Variants in POLR1H observed in about 807,000 individuals in gnomAD.
POLR1H encodes the protein RNA polymerase I subunit H, also known as DNA-directed RNA polymerase I subunit RPA12.
A neutral mutation model predicts 15.8 loss-of-function variants in POLR1H; 5 were observed. The ratio of observed to expected loss-of-function variants is 0.32; its 90% CI spans 0.17 to 0.67. POLR1H has a LOEUF of 0.67. POLR1H is among the 30% of genes least tolerant of loss of function. The probability of loss-of-function intolerance (pLI) is 0.74; values close to 1 mark genes in which losing one functional copy is unlikely to be tolerated. For missense variants in POLR1H, 100 were observed against 163.4 expected, an observed-to-expected ratio of 0.61 and a Z score of 2.11; for synonymous variants, 43 against 58.3, an observed-to-expected ratio of 0.74 and a Z score of 1.20.
chr6:30,060,614 C>G (rs1359897919), upstream of POLR1H: 22 of 152,272 alleles, frequency 1.4e-4, 2 homozygotes, highest in Admixed American at 1.4e-3. Flanking sequence ...TCTGTTCCAC[C>G]ACCTCCAAAG....
rs1765253592 is a variant in POLR1H at position 30,063,165 on chromosome 6, A to G, written c.356+832A>G. On this transcript the variant is annotated intron_variant, in intron 3 of 3. Transcript: ENST00000332435. This position sits in a 1 kb window ranked among gnomAD's most constrained non-coding sequence, Gnocchi z 4.1. Reference sequence around the variant, plus strand: ...CTGAGAGTGGACTTTTTTTTCATCAACCTTGGAAAATTATCAGCCATCATC... The same window carrying G: ...CTGAGAGTGGACTTTTTTTTCATCAGCCTTGGAAAATTATCAGCCATCATC... Among the ~76,000 whole-genome samples the G allele has an allele frequency of 6.6e-6, 1 of 151,812 alleles. No individual in the cohort carries two copies. The highest frequency in any genetic ancestry group is 2.4e-5 in the African/African-American group (1 of 41,336).
Position 30,062,636 on chromosome 6 carries a change from C to T in POLR1H, c.356+303C>T, listed in dbSNP as rs374626831. 2.6e-4 allele frequency among the ~76,000 whole-genome samples: 38 copies of T among 144,472 alleles called. 1 individual carries two copies. In the East Asian group the frequency reaches 3.2e-3, roughly 12 times the overall value. 94.8% of individuals were successfully genotyped at this position (144,472 alleles called of 152,430 possible). A position where few individuals can be genotyped will look rare whatever the true frequency, so the allele number is the denominator to read the frequency against. ...GGCAATCTTGGCTCACTGCAACCTC[C>T]GCCTCCTGGGCTCAGGTAATCCTCC... is the stretch of plus-strand genomic sequence containing the variant. On this transcript the variant is annotated intron_variant, in intron 3 of 3. Transcript: ENST00000332435.
chr6:30,061,180 CAATT>C, upstream of POLR1H: 1 of 236,910 alleles, frequency 4.2e-6, no homozygotes, highest in Middle Eastern at 1.3e-3. This position sits in a 1 kb window ranked among gnomAD's most constrained non-coding sequence, Gnocchi z 5.0. Flanking sequence ...ACACGGTTCG[CAATT>C]AATTATGACG....
At chr6:30,064,141 C>G (rs1335516599) in intron 3 of POLR1H, among the ~76,000 whole-genome samples, 1 of 152,212 alleles carries the variant, frequency 6.6e-6, no homozygotes, top group Non-Finnish European at 1.5e-5. Context: ...TTAGTTTTAA[C>G]TTCCCTGTCT....
chr6:30,061,549 A>G lies in POLR1H; in HGVS notation c.25A>G (p.Thr9Ala). 1 of 1,613,002 alleles carries G rather than the reference A, an allele frequency of 6.2e-7. No individual in the cohort carries two copies. Among genetic ancestry groups the G allele is most frequent in the Non-Finnish European group, 8.5e-7 (1 of 1,180,002 alleles). MSVMDLAN[T>A]CSSFQSDLDF... ...CATGTCTGTCATGGACCTCGCCAATACTTGCTCCAGCTTTCAGTCGGACCT... is the reference window on the plus strand; with the variant it reads ...CATGTCTGTCATGGACCTCGCCAATGCTTGCTCCAGCTTTCAGTCGGACCT... The change falls in exon 1 of 4, where the codon ACT (threonine) becomes GCT (alanine). Residue 9 changes from threonine (T) to alanine (A), a missense_variant. Physicochemically the swap from Thr to Ala is moderately conservative, Grantham distance 58. Coordinates refer to ENST00000332435, the MANE Select transcript of POLR1H (RefSeq NM_170783.4). The surrounding 1 kb of genome is among the most constrained non-coding windows in gnomAD (Gnocchi z 5.0).
Position 30,061,622 on chromosome 6 carries a change from A to G in POLR1H, c.98A>G (p.Gln33Arg). The change falls in exon 1 of 4, where the codon CAG becomes CGG. Residue 33 changes from glutamine to arginine, a missense_variant. Transcript: ENST00000332435. This position sits in a 1 kb window ranked among gnomAD's most constrained non-coding sequence, Gnocchi z 5.0. ...CGSVLPLPGAQDTVTCIRCGF... is the reference protein window; with the variant it reads ...CGSVLPLPGARDTVTCIRCGF... ...TCGGTCCTGCCTCTGCCCGGGGCTC[A>G]GGATACGGTCACCTGTATTCGCTGT... 1 of 1,613,054 alleles carries G rather than the reference A, an allele frequency of 6.2e-7. No individual in the cohort carries two copies.
At position 30,062,034 on chromosome 6, in the gene POLR1H, A is replaced by G. The variant is rs1400733048; in HGVS notation, c.246+17A>G. 1 of 1,603,406 alleles carries G rather than the reference A, an allele frequency of 6.2e-7. No homozygotes were observed. The highest frequency in any genetic ancestry group is 1.1e-5 in the South Asian group (1 of 90,922). On this transcript the variant is annotated intron_variant, in intron 2 of 3. Coordinates refer to ENST00000332435, the MANE Select transcript of POLR1H (RefSeq NM_170783.4). ...GGACCTGTGGTAAGCTAATGAGATC[A>G]AGAACTGGCTCCATAAGGTGGGTAG...
chr6:30,061,775 G>A lies in POLR1H; in HGVS notation c.145+106G>A. The A allele has an allele frequency of 6.4e-7, 1 of 1,569,340 alleles. No individual in the cohort carries two copies. The highest frequency in any genetic ancestry group is 1.1e-5 in the South Asian group (1 of 87,126). On this transcript the variant is annotated intron_variant, in intron 1 of 3. Coordinates refer to ENST00000332435, the MANE Select transcript of POLR1H (RefSeq NM_170783.4). This position sits in a 1 kb window ranked among gnomAD's most constrained non-coding sequence, Gnocchi z 5.0. Reference sequence around the variant, plus strand: ...AGGGGATCCTAGAGCAGGACATCAGGCGGTTGTACATTTGGTCTAGCGATG... The same window carrying A: ...AGGGGATCCTAGAGCAGGACATCAGACGGTTGTACATTTGGTCTAGCGATG...
At chr6:30,064,305 AT>A (rs199991816) in intron 3 of POLR1H, among the ~76,000 whole-genome samples, 46 of 151,080 alleles carry the variant, frequency 3.0e-4, no homozygotes, top group Admixed American at 2.4e-3. Context: ...AAAAAAAAAA[AT>A]TTTTTTTAAA....
At chr6:30,062,380 A>G in intron 3 of POLR1H, 47 bp downstream of exon 3, 4 of 1,304,370 alleles carry the variant, frequency 3.1e-6, no homozygotes, top group Non-Finnish European at 4.4e-6. Flanking sequence ...TGCTAACTAA[A>G]CAAATCCAGT....
Position 30,062,032 on chromosome 6 carries a change from T to C in POLR1H, c.246+15T>C, listed in dbSNP as rs928767181. 18 of 1,607,456 alleles carry C rather than the reference T, an allele frequency of 1.1e-5. No homozygotes were observed. In the African/African-American group the frequency reaches 2.1e-4, roughly 19 times the overall value. On this transcript the variant is annotated intron_variant, in intron 2 of 3. Transcript: ENST00000332435. ...AGGGACCTGTGGTAAGCTAATGAGA[T>C]CAAGAACTGGCTCCATAAGGTGGGT...
chr6:30,064,359 T>G (rs2127296902), intron 3 of POLR1H, among the ~76,000 whole-genome samples: 1 of 152,184 alleles, frequency 6.6e-6, no homozygotes, highest in Non-Finnish European at 1.5e-5. Context: ...TTGCCTATTT[T>G]CTTAACCCTC....
In POLR1H at chr6:30,064,742, G is replaced by C. The variant is rs749458555; in HGVS notation, c.*45G>C. 2.5e-6 allele frequency: 4 copies of C among 1,587,540 alleles called. No individual in the cohort carries two copies. Among genetic ancestry groups the C allele is most frequent in the Non-Finnish European group, 3.4e-6 (4 of 1,163,890 alleles). On this transcript the variant is annotated 3_prime_UTR_variant, in exon 4 of 4. Coordinates refer to ENST00000332435, the MANE Select transcript of POLR1H (RefSeq NM_170783.4). ...TACAGTCCCTCCCTCCTTTCGGAAG[G>C]TGAAGGATACTGGGTTTTTAGATGC...
In POLR1H at chr6:30,061,327, C is replaced by T. The variant is rs1388506665; in HGVS notation, c.-198C>T. ...TCTCACCGGCCCCTGGAAAGGGTTC[C>T]AAGTCCTTTAGTACCCGACGCTGTC... is the stretch of plus-strand genomic sequence containing the variant. On this transcript the variant is annotated 5_prime_UTR_variant, in exon 1 of 4. Transcript: ENST00000332435. The surrounding 1 kb of genome is among the most constrained non-coding windows in gnomAD (Gnocchi z 5.0). 5.3e-6 allele frequency: 3 copies of T among 569,982 alleles called. No individual in the cohort carries two copies. Among genetic ancestry groups the T allele is most frequent in the Non-Finnish European group, 9.0e-6 (3 of 333,142 alleles). 35.3% of individuals were successfully genotyped at this position (569,982 alleles called of 1,614,324 possible). A position where few individuals can be genotyped will look rare whatever the true frequency, so the allele number is the denominator to read the frequency against.
At position 30,064,799 on chromosome 6, in the gene POLR1H, C is replaced by A. The variant is rs370811062; in HGVS notation, c.*102C>A. The A allele has an allele frequency of 3.4e-4, 352 of 1,045,674 alleles. 26 individuals are homozygous for A. The highest frequency in any genetic ancestry group is 1.9e-3 in the East Asian group (74 of 38,924). 64.8% of individuals were successfully genotyped at this position (1,045,674 alleles called of 1,614,324 possible). A position where few individuals can be genotyped will look rare whatever the true frequency, so the allele number is the denominator to read the frequency against. On this transcript the variant is annotated 3_prime_UTR_variant, in exon 4 of 4. Transcript: ENST00000332435. ...CATCCTGTCTGGTTGCAATGTTTTGCTCCCAGAAGAGAATCAGATCATCAT... is the reference window on the plus strand; with the variant it reads ...CATCCTGTCTGGTTGCAATGTTTTGATCCCAGAAGAGAATCAGATCATCAT...
intron 3 of POLR1H, 130 bp from the exon 4 acceptor site, chr6:30,064,543 T>C: frequency 1.4e-6 from 1 of 697,534 alleles, no homozygotes; most frequent in South Asian, 2.3e-5. Context: ...TGGAAGTTTG[T>C]TTAGGGGAGC....
chr6:30,061,659 C>T lies in POLR1H; in HGVS notation c.135C>T (p.Ile45=). The stretch of plus-strand genomic sequence containing the variant: ...CCTGTATTCGCTGTGGCTTCAACAT[C>T]AACGTTCGGGGTGAGAGGCTTGTAC... ...TVTCIRCGFN[I]NVRDFEGKVV... Residue 45 remains isoleucine, a synonymous_variant, in exon 1 of 4, where the codon ATC becomes ATT. Transcript: ENST00000332435. The surrounding 1 kb of genome is among the most constrained non-coding windows in gnomAD (Gnocchi z 5.0). The T allele has an allele frequency of 6.2e-7, 1 of 1,613,040 alleles. No homozygotes were observed. Among genetic ancestry groups the T allele is most frequent in the Non-Finnish European group, 8.5e-7 (1 of 1,180,044 alleles).
In POLR1H at chr6:30,061,879, T is replaced by C; in HGVS notation, c.146-38T>C. ...GGAGGTTTCCGGTGTCAGCTCTCTC[T>C]GGTTGTCTCCATAACCAGTTCTTAC... On this transcript the variant is annotated intron_variant, in intron 1 of 3. Transcript: ENST00000332435. This position sits in a 1 kb window ranked among gnomAD's most constrained non-coding sequence, Gnocchi z 5.0. 6.2e-7 allele frequency: 1 copy of C among 1,605,598 alleles called. No individual in the cohort carries two copies. The highest frequency in any genetic ancestry group is 8.5e-7 in the Non-Finnish European group (1 of 1,173,372).
rs751515384 is a variant in POLR1H, at chr6:30,061,878, C to T, written c.146-39C>T. 6.2e-7 allele frequency: 1 copy of T among 1,604,872 alleles called. No individual in the cohort carries two copies. The highest frequency in any genetic ancestry group is 1.3e-5 in the African/African-American group (1 of 74,768). ...GGGAGGTTTCCGGTGTCAGCTCTCTCTGGTTGTCTCCATAACCAGTTCTTA... is the reference window on the plus strand; with the variant it reads ...GGGAGGTTTCCGGTGTCAGCTCTCTTTGGTTGTCTCCATAACCAGTTCTTA... On this transcript the variant is annotated intron_variant, in intron 1 of 3. Coordinates refer to ENST00000332435, the MANE Select transcript of POLR1H (RefSeq NM_170783.4). The surrounding 1 kb of genome is among the most constrained non-coding windows in gnomAD (Gnocchi z 5.0).
Sources: gnomAD v4.1 joint callset for allele counts (sites outside exome capture counted in the v4.1 genomes callset) on GRCh38, gnomAD v4.1.1 for gene constraint, Gnocchi (gnomAD v3.1) non-coding constraint, MANE v1.5 for transcripts, NCBI Gene and HGNC (gene_info 2026-07-23, HGNC 2026-07-21) for gene names.